RGS22: variants seen among roughly 807,000 people sequenced by gnomAD.
RGS22 encodes the protein regulator of G-protein signaling 22.
RGS22 carries 148 observed loss-of-function variants against 172.9 expected under a neutral mutation model. The observed-to-expected ratio is 0.86, with a 90% CI of 0.75 to 0.98. The LOEUF is 0.98. Among genes scored for constraint, RGS22 ranks in the 50% least tolerant of loss-of-function variants. The pLI, the probability that RGS22 is intolerant of heterozygous loss-of-function variation, is 0.00. For missense variants in RGS22, 1,347 were observed against 1,440.8 expected (o/e 0.93, Z 1.05); for synonymous variants, 458 against 480.2 (o/e 0.95, Z 0.60).
chr8:100,084,571 T>A lies in RGS22; in HGVS notation c.118-4216A>T, dbSNP rs141535643. Among the ~76,000 whole-genome samples, 1,079 of 152,348 alleles carry A rather than the reference T, an allele frequency of 7.1e-3. 12 individuals carry two copies. Among genetic ancestry groups the A allele is most frequent in the African/African-American group, 0.025 (1,038 of 41,582 alleles). On this transcript the variant is annotated intron_variant, in intron 3 of 27. Coordinates refer to ENST00000360863, the MANE Select transcript of RGS22 (RefSeq NM_015668.5). Reference sequence around the variant, plus strand: ...TTTTAAACTTAAGAATTTCTTTCTATGGAATTAATTATAATAGAACAGAGA... The same window carrying A: ...TTTTAAACTTAAGAATTTCTTTCTAAGGAATTAATTATAATAGAACAGAGA...
chr8:100,021,232 A>C (rs1373265466), intron 14 of RGS22, among the ~76,000 whole-genome samples: 1 of 152,252 alleles, frequency 6.6e-6, no homozygotes, highest in African/African-American at 2.4e-5. Context: ...CAGTTTACTT[A>C]CATACTCTGT....
At chr8:100,101,705 A>G (rs1813505927) in intron 2 of RGS22, among the ~76,000 whole-genome samples, 2 of 152,024 alleles carry the variant, frequency 1.3e-5, no homozygotes, top group Non-Finnish European at 2.9e-5. Flanking sequence ...GTCCCTAACA[A>G]ACAAATAATT....
At chr8:100,072,266 G>T in intron 4 of RGS22, 36 bp from the exon 5 acceptor site, 1 of 1,367,404 alleles carries the variant, frequency 7.3e-7, no homozygotes, top group South Asian at 1.3e-5. Context: ...AAGAAGGTCA[G>T]AGAAAATCAC....
intron 19 of RGS22, among the ~76,000 whole-genome samples, chr8:99,997,326 C>A (rs1435902275): frequency 2.0e-5 from 3 of 152,146 alleles, no homozygotes; most frequent in Non-Finnish European, 4.4e-5. Flanking sequence ...CAGTGATAAA[C>A]ATAATGAGGA....
At chr8:100,056,690 A>G (rs1809645768) in intron 9 of RGS22, among the ~76,000 whole-genome samples, 1 of 152,202 alleles carries the variant, frequency 6.6e-6, no homozygotes, top group Non-Finnish European at 1.5e-5. Context: ...GCAGGTGCAC[A>G]GAGGTCAGGA....
chr8:100,021,326 C>T (rs1256286963), intron 14 of RGS22, among the ~76,000 whole-genome samples: 2 of 152,178 alleles, frequency 1.3e-5, no homozygotes, highest in Non-Finnish European at 2.9e-5. Flanking sequence ...GGAGGGTCAA[C>T]AGCTTTTCTT....
rs1479335298 is a variant in RGS22, at chr8:100,060,427, C to T, written c.1514+2164G>A. Among the ~76,000 whole-genome samples, 351 of 83,444 alleles carry T rather than the reference C, an allele frequency of 4.2e-3. 1 individual carries two copies. The highest frequency in any genetic ancestry group is 0.013 in the Middle Eastern group (2 of 160). The allele number at this position is 83,444 out of a possible 152,430, so 54.7% of individuals were successfully genotyped here. A position where few individuals can be genotyped will look rare whatever the true frequency, so the allele number is the denominator to read the frequency against. On this transcript the variant is annotated intron_variant, in intron 9 of 27. Coordinates refer to ENST00000360863, the MANE Select transcript of RGS22 (RefSeq NM_015668.5). ...GTATATATATATATATATATACACACACACACACACACACGCACCCCAACT... is the reference window on the plus strand; with the variant it reads ...GTATATATATATATATATATACACATACACACACACACACGCACCCCAACT...
At chr8:100,054,092 C>A (rs529196919) in intron 9 of RGS22, among the ~76,000 whole-genome samples, 210 of 152,248 alleles carry the variant, frequency 1.4e-3, no homozygotes, top group Non-Finnish European at 2.6e-3. Context: ...AAAAGAATGT[C>A]TGGCACAATA....
Position 100,047,552 on chromosome 8 carries a change from T to G in RGS22, c.1734A>C (p.Lys578Asn). Reference protein sequence around the residue: ...SLSQPPKSPNKSPEVKTATQK... With the variant: ...SLSQPPKSPNNSPEVKTATQK... ...GAGTTGCTGTTTTTACTTCAGGTGA[T>G]TTATTGGGAGATTTAGGAGGTTGTG... Residue 578 changes from lysine to asparagine, a missense_variant, in exon 11 of 28, where the codon AAA (lysine) becomes AAC (asparagine). Physicochemically the swap from Lys to Asn is moderately conservative, Grantham distance 94. Coordinates refer to ENST00000360863, the MANE Select transcript of RGS22 (RefSeq NM_015668.5). 6.2e-7 allele frequency: 1 copy of G among 1,613,296 alleles called. No homozygotes were observed.
chr8:100,084,026 A>G (rs556505917), intron 3 of RGS22, among the ~76,000 whole-genome samples: 1 of 151,602 alleles, frequency 6.6e-6, no homozygotes, highest in African/African-American at 2.4e-5. Flanking sequence ...TTTAGTAGAG[A>G]CGGGGTTTCA....
At chr8:100,094,039 T>C (rs1186893866) in intron 2 of RGS22, among the ~76,000 whole-genome samples, 3 of 152,232 alleles carry the variant, frequency 2.0e-5, no homozygotes, top group Non-Finnish European at 4.4e-5. Context: ...ATCTGGATCC[T>C]GCTTCACTTT....
In RGS22 at chr8:99,981,938, T is replaced by C; in HGVS notation, c.3359A>G (p.Gln1120Arg). 6.2e-7 allele frequency: 1 copy of C among 1,608,126 alleles called. No individual in the cohort carries two copies. Among genetic ancestry groups the C allele is most frequent in the Non-Finnish European group, 8.5e-7 (1 of 1,177,514 alleles). The change falls in exon 22 of 28, where the codon CAG becomes CGG. Residue 1120 changes from glutamine (Q) to arginine (R), a missense_variant and splice_region_variant. Physicochemically the swap from Gln to Arg is conservative, Grantham distance 43 (BLOSUM62 1). Coordinates refer to ENST00000360863, the MANE Select transcript of RGS22 (RefSeq NM_015668.5). ...TAGCCACATGCCCTGATCTCTTACC[T>C]GTGCCTCTCTAAATACATATGGTCC... is the stretch of plus-strand genomic sequence containing the variant. ...ELGPYVFREA[Q>R]MTIFGVLFKF...
intron 14 of RGS22, among the ~76,000 whole-genome samples, chr8:100,027,226 G>A (rs1022521251): frequency 6.6e-6 from 1 of 151,786 alleles, no homozygotes; most frequent in Non-Finnish European, 1.5e-5. Context: ...AGAGCAAGAT[G>A]ACCTTGTCTC....
chr8:100,058,389 C>G lies in RGS22; in HGVS notation c.1514+4202G>C, dbSNP rs1809824998. 4.6e-5 allele frequency among the ~76,000 whole-genome samples: 7 copies of G among 152,042 alleles called. No homozygotes were observed. In the South Asian group the frequency reaches 1.5e-3, roughly 32 times the overall value. ...CCAAGCAGATTTAACCCAAAGAAGA[C>G]CACCACAAGGCATTTAATACTCAAA... On this transcript the variant is annotated intron_variant, in intron 9 of 27. Coordinates refer to ENST00000360863, the MANE Select transcript of RGS22 (RefSeq NM_015668.5).
chr8:100,051,929 A>ATATATT lies in RGS22; in HGVS notation c.1689+872_1689+873insAATATA, dbSNP rs550064762. On this transcript the variant is annotated intron_variant, in intron 10 of 27. Transcript: ENST00000360863. ...TTTATATATTTATATATAAATGTTT[A>ATATATT]TATATATTTATATATTTATATATAA... is the stretch of plus-strand genomic sequence containing the variant. Among the ~76,000 whole-genome samples, 3 of 38,776 alleles carry ATATATT rather than the reference A, an allele frequency of 7.7e-5. 1 individual carries two copies. The highest frequency in any genetic ancestry group is 2.7e-4 in the African/African-American group (2 of 7,282). 25.4% of individuals were successfully genotyped at this position (38,776 alleles called of 152,430 possible).
At chr8:99,975,802 C>T (rs1000277578) in intron 23 of RGS22, among the ~76,000 whole-genome samples, 1 of 152,138 alleles carries the variant, frequency 6.6e-6, no homozygotes, top group African/African-American at 2.4e-5. Flanking sequence ...CCTTCCCTGG[C>T]TTGCCAAAGT....
At chr8:100,058,954 A>C (rs959940823) in intron 9 of RGS22, among the ~76,000 whole-genome samples, 1 of 152,220 alleles carries the variant, frequency 6.6e-6, no homozygotes, top group Non-Finnish European at 1.5e-5. Flanking sequence ...CACCTTTTCA[A>C]GACATAGACA....
intron 19 of RGS22, 86 bp downstream of exon 19, chr8:99,999,176 A>C: frequency 8.7e-7 from 1 of 1,147,918 alleles, no homozygotes; most frequent in Non-Finnish European, 1.2e-6. Context: ...AAAAAAAAGG[A>C]CAATGGCTGG....
At chr8:100,048,945 T>C (rs928907220) in intron 10 of RGS22, among the ~76,000 whole-genome samples, 88 of 152,180 alleles carry the variant, frequency 5.8e-4, no homozygotes, top group African/African-American at 2.0e-3. Context: ...ATTGAACCCA[T>C]ACATATAAAA....
Sources: gnomAD v4.1 joint callset for allele counts (sites outside exome capture counted in the v4.1 genomes callset) on GRCh38, gnomAD v4.1.1 for gene constraint, MANE v1.5 for transcripts, NCBI Gene and HGNC (gene_info 2026-07-23, HGNC 2026-07-21) for gene names.